Variants in CDK13 observed in about 807,000 individuals in gnomAD.
The protein encoded by CDK13 is cyclin dependent kinase 13.
In CDK13, 40 loss-of-function variants were observed where a neutral mutation model predicts 137.6. The observed-to-expected ratio is 0.29, with a 90% CI of 0.23 to 0.38. The LOEUF (loss-of-function observed/expected upper bound fraction) is 0.38. Among genes scored for constraint, CDK13 ranks in the 10% least tolerant of loss-of-function variants. CDK13 has a pLI of 1.00. For synonymous variants in CDK13, 869 were observed against 760.1 expected, an observed-to-expected ratio of 1.14 and a Z score of -2.36; for missense variants, 1,704 against 1,951.8, an observed-to-expected ratio of 0.87 and a Z score of 2.39.
At chr7:39,979,216 CT>C (rs71560152) in intron 1 of CDK13, among the ~76,000 whole-genome samples, 108 of 130,850 alleles carry the variant, frequency 8.3e-4, no homozygotes, top group East Asian at 1.7e-3. Flanking sequence ...TCTTTTTTTT[CT>C]TTTTTTTTTT....
chr7:39,950,293 A>T lies in CDK13; in HGVS notation c.-349A>T. On this transcript the variant is annotated 5_prime_UTR_variant, in exon 1 of 14. Transcript: ENST00000181839. ...CGCTGCCCGAGCCGAGAGCGCGGCC[A>T]AGGCCGCTCCCCCACCCCCGGGGGC... 3.7e-6 allele frequency: 4 copies of T among 1,077,488 alleles called. No homozygotes were observed. Among genetic ancestry groups the T allele is most frequent in the Non-Finnish European group, 4.5e-6 (4 of 889,666 alleles). 66.7% of individuals were successfully genotyped at this position (1,077,488 alleles called of 1,614,324 possible).
chr7:39,975,575 T>C (rs773383), intron 1 of CDK13, among the ~76,000 whole-genome samples: 151,160 of 152,324 alleles, frequency 0.99, 75,013 homozygotes, highest in East Asian at 1. Flanking sequence ...ATATACCATG[T>C]GTACAGAAAC....
In CDK13 at chr7:40,094,502, G is replaced by C. The variant is rs1313088176; in HGVS notation, c.4061G>C (p.Gly1354Ala). 2.5e-6 allele frequency: 4 copies of C among 1,613,126 alleles called. No individual in the cohort carries two copies. In the African/African-American group the frequency reaches 5.3e-5, roughly 22 times the overall value. The change falls in exon 14 of 14, where the codon GGT becomes GCT. Residue 1354 changes from glycine (G) to alanine (A), a missense_variant. By Grantham distance (60) the Gly-to-Ala change is moderately conservative (BLOSUM62 0). Around this residue, in one of 5 missense-constraint regions of CDK13, gnomAD observed 475 missense variants for 579.3 expected, o/e 0.82. Transcript: ENST00000181839. ...FSSAPYVSND[G>A]LGSSSAPPLE... is the part of the protein sequence containing the mutation. ...TCTGCTCCTTATGTTAGCAATGATG[G>C]TCTAGGAAGCAGTTCTGCTCCACCA...
intron 1 of CDK13, chr7:39,985,516 T>C (rs1045290395): frequency 1.3e-5 from 2 of 152,322 alleles, no homozygotes; most frequent in Non-Finnish European, 2.9e-5. Flanking sequence ...AATTATAAGA[T>C]AGCTCTAGTT....
At chr7:40,081,465 G>A (rs1786661092) in intron 11 of CDK13, among the ~76,000 whole-genome samples, 1 of 152,106 alleles carries the variant, frequency 6.6e-6, no homozygotes, top group Non-Finnish European at 1.5e-5. Context: ...TTGAGCAGTT[G>A]TACGTTGTTC....
intron 5 of CDK13, among the ~76,000 whole-genome samples, chr7:40,035,469 C>T (rs1210164572): frequency 6.6e-6 from 1 of 152,120 alleles, no homozygotes; most frequent in Non-Finnish European, 1.5e-5. Flanking sequence ...TGAGCTCTTC[C>T]TGCTGTCAGA....
intron 7 of CDK13, among the ~76,000 whole-genome samples, chr7:40,051,913 A>T (rs1785897248): frequency 6.6e-6 from 1 of 152,194 alleles, no homozygotes; most frequent in Non-Finnish European, 1.5e-5. Flanking sequence ...TGGGAATTTT[A>T]AAACTTGAGA....
At chr7:40,017,499 T>C (rs571314015) in intron 5 of CDK13, among the ~76,000 whole-genome samples, 3 of 152,106 alleles carry the variant, frequency 2.0e-5, no homozygotes, top group Non-Finnish European at 2.9e-5. Context: ...TAAGAGAAAG[T>C]AATACCTTTT....
intron 1 of CDK13, among the ~76,000 whole-genome samples, chr7:39,954,524 T>C (rs1041878305): frequency 1.3e-5 from 2 of 152,152 alleles, no homozygotes; most frequent in Admixed American, 1.3e-4. Flanking sequence ...ACAAGTACAC[T>C]CTTAATAAAT....
intron 12 of CDK13, among the ~76,000 whole-genome samples, chr7:40,090,192 C>T (rs1043198881): frequency 2.0e-5 from 3 of 152,118 alleles, no homozygotes; most frequent in African/African-American, 7.2e-5. Context: ...ATTTCTGGTC[C>T]TCTTCATGGA....
Position 39,988,216 on chromosome 7 carries a change from T to C in CDK13, c.1829T>C (p.Leu610Ser). ...VALVTSTLPP[L>S]PLPPMLPEDK... The stretch of plus-strand genomic sequence containing the variant: ...TTAGTCACCTCTACATTACCACCGT[T>C]ACCTTTGCCTCCCATGCTGCCTGAA... The change falls in exon 2 of 14, where the codon TTA becomes TCA. Residue 610 changes from leucine to serine, a missense_variant. Around this residue, in one of 5 missense-constraint regions of CDK13, gnomAD observed 1,051 missense variants for 931.0 expected, o/e 1.13. Coordinates refer to ENST00000181839, the MANE Select transcript of CDK13 (RefSeq NM_003718.5). 1.9e-6 allele frequency: 3 copies of C among 1,611,124 alleles called. No homozygotes were observed. The highest frequency in any genetic ancestry group is 2.5e-6 in the Non-Finnish European group (3 of 1,179,262).
At chr7:39,959,725 A>G (rs1425161538) in intron 1 of CDK13, among the ~76,000 whole-genome samples, 1 of 151,892 alleles carries the variant, frequency 6.6e-6, no homozygotes, top group Admixed American at 6.5e-5. Flanking sequence ...TTGGCCTTTC[A>G]AAGTGCGGGG....
intron 5 of CDK13, among the ~76,000 whole-genome samples, chr7:40,005,729 T>C (rs1784785519): frequency 6.6e-6 from 1 of 152,200 alleles, no homozygotes. Flanking sequence ...TCTTGTTTTT[T>C]GTTTTGTTTT....
chr7:40,019,868 A>G (rs1217415932), intron 5 of CDK13, among the ~76,000 whole-genome samples: 1 of 152,132 alleles, frequency 6.6e-6, no homozygotes, highest in Non-Finnish European at 1.5e-5. Context: ...TGGCATAAAG[A>G]TGTTATCAGA....
intron 11 of CDK13, among the ~76,000 whole-genome samples, chr7:40,080,754 T>C (rs1786647355): frequency 6.6e-6 from 1 of 152,238 alleles, no homozygotes; most frequent in African/African-American, 2.4e-5. Context: ...ATGTATATCC[T>C]TTACCTAGAT....
intron 1 of CDK13, among the ~76,000 whole-genome samples, chr7:39,956,117 A>G (rs1392087563): frequency 6.6e-6 from 1 of 152,226 alleles, no homozygotes; most frequent in Non-Finnish European, 1.5e-5. Context: ...CTCAAAAAAT[A>G]TGCCACTGAT....
intron 1 of CDK13, among the ~76,000 whole-genome samples, chr7:39,975,219 G>A (rs1784081212): frequency 6.6e-6 from 1 of 152,134 alleles, no homozygotes; most frequent in African/African-American, 2.4e-5. Flanking sequence ...TTTGAGATTA[G>A]CCTGGGAAAC....
At chr7:40,093,605 C>G (rs954684386) in intron 13 of CDK13, among the ~76,000 whole-genome samples, 3 of 152,158 alleles carry the variant, frequency 2.0e-5, no homozygotes, top group Admixed American at 1.3e-4. Context: ...CCGTAATTAG[C>G]TTTAAAAAGC....
chr7:40,064,521 A>G (rs1786232982), intron 9 of CDK13, among the ~76,000 whole-genome samples: 1 of 152,128 alleles, frequency 6.6e-6, no homozygotes, highest in Non-Finnish European at 1.5e-5. Context: ...GACAAATTGA[A>G]TCAAACTAAA....
Sources: gnomAD v4.1 joint callset for allele counts (sites outside exome capture counted in the v4.1 genomes callset) on GRCh38, gnomAD v4.1.1 for gene constraint, gnomAD v4.1.1 regional missense constraint, MANE v1.5 for transcripts, NCBI Gene and HGNC (gene_info 2026-07-23, HGNC 2026-07-21) for gene names.